COPS4: variants seen among roughly 807,000 people sequenced by gnomAD.
COPS4 encodes the protein COP9 signalosome subunit 4.
COPS4 carries 8 observed loss-of-function variants against 55.1 expected under a neutral mutation model. That is an observed-to-expected ratio of 0.15 (90% confidence interval 0.09 to 0.26). The LOEUF (loss-of-function observed/expected upper bound fraction) is 0.26. Ranked by LOEUF, COPS4 falls within the 10% of genes least tolerant of loss-of-function variation. The pLI, the probability that COPS4 is intolerant of heterozygous loss-of-function variation, is 1.00. For missense variants in COPS4, 248 were observed against 484.0 expected (o/e 0.51, Z 4.58); for synonymous variants, 185 against 165.7 (o/e 1.12, Z -0.90).
intron 6 of COPS4, among the ~76,000 whole-genome samples, chr4:83,061,077 A>G (rs1405567124): frequency 1.3e-5 from 2 of 151,508 alleles, no homozygotes; most frequent in African/African-American, 4.8e-5. Flanking sequence ...TGCTTGGGTC[A>G]TTCATTACAT....
chr4:83,044,353 G>A (rs373090427), intron 1 of COPS4, among the ~76,000 whole-genome samples: 20 of 151,196 alleles, frequency 1.3e-4, no homozygotes, highest in Admixed American at 8.6e-4. Context: ...GCTGAGGCAG[G>A]AGAATTGCTT....
intron 2 of COPS4, among the ~76,000 whole-genome samples, chr4:83,045,959 A>G (rs1466676401): frequency 1.3e-5 from 2 of 152,186 alleles, no homozygotes; most frequent in African/African-American, 4.8e-5. Context: ...TAAAGAGAAT[A>G]GTTTGGATTC....
At chr4:83,063,592 A>G (rs955303158) in intron 7 of COPS4, among the ~76,000 whole-genome samples, 1 of 151,068 alleles carries the variant, frequency 6.6e-6, no homozygotes, top group Admixed American at 6.6e-5. Context: ...TACTTTTAGT[A>G]GAGATGGGGT....
Position 83,049,265 on chromosome 4 carries a change from A to G in COPS4, c.254A>G (p.Tyr85Cys). The G allele has an allele frequency of 3.1e-6, 5 of 1,612,058 alleles. No individual in the cohort carries two copies. Among genetic ancestry groups the G allele is most frequent in the Middle Eastern group, 1.7e-4 (1 of 6,052 alleles). Reference protein sequence around the residue: ...NLPDSTAKEIYHFTLEKIQPR... With the variant: ...NLPDSTAKEICHFTLEKIQPR... ...CCTGATAGCACAGCCAAAGAAATCT[A>G]TCACTTCACCTTGGAAAAGATCCAG... is the stretch of plus-strand genomic sequence containing the variant. The change falls in exon 3 of 10, where the codon TAT (tyrosine) becomes TGT (cysteine). Residue 85 changes from tyrosine to cysteine, a missense_variant. Physicochemically the swap from Tyr to Cys is radical, Grantham distance 194 (BLOSUM62 -2). Coordinates refer to ENST00000264389, the MANE Select transcript of COPS4 (RefSeq NM_016129.3).
At chr4:83,040,517 G>T (rs982061059) in intron 1 of COPS4, among the ~76,000 whole-genome samples, 1 of 152,126 alleles carries the variant, frequency 6.6e-6, no homozygotes, top group Non-Finnish European at 1.5e-5. Flanking sequence ...ATTCCCATTT[G>T]TGCAGCTCTA....
At chr4:83,072,153 C>T (rs539640732) in intron 9 of COPS4, among the ~76,000 whole-genome samples, 6 of 152,144 alleles carry the variant, frequency 3.9e-5, no homozygotes, top group East Asian at 3.9e-4. Flanking sequence ...GGCTCAATCT[C>T]GGTTGACCAC....
chr4:83,046,524 A>T (rs1287103315), intron 2 of COPS4, among the ~76,000 whole-genome samples: 1 of 152,224 alleles, frequency 6.6e-6, no homozygotes, highest in Non-Finnish European at 1.5e-5. Context: ...TAAGGAAGGC[A>T]TGGACTTAAC....
At chr4:83,035,375 C>A (rs1031257635) in intron 1 of COPS4, 77 bp downstream of exon 1, 16 of 1,242,918 alleles carry the variant, frequency 1.3e-5, no homozygotes, top group Admixed American at 2.2e-5. Context: ...AGGTTGGCCA[C>A]GGCTCTTGGG....
intron 1 of COPS4, among the ~76,000 whole-genome samples, chr4:83,043,540 A>C (rs926906438): frequency 2.7e-5 from 4 of 150,440 alleles, no homozygotes; most frequent in Non-Finnish European, 5.9e-5. Flanking sequence ...AAAAAAAAAA[A>C]AAAAAACCAT....
chr4:83,062,836 T>C (rs1016793090), intron 6 of COPS4: 9 of 356,266 alleles, frequency 2.5e-5, no homozygotes, highest in African/African-American at 1.9e-4. Flanking sequence ...GATTAATTCA[T>C]TGACAAAAAT....
chr4:83,066,341 G>A (rs1268100745), intron 7 of COPS4, 97 bp from the exon 8 acceptor site: 1 of 576,142 alleles, frequency 1.7e-6, no homozygotes, highest in Non-Finnish European at 3.1e-6. Flanking sequence ...TAAAGAGGAT[G>A]AGTTATTACG....
In COPS4 at chr4:83,057,365, G is replaced by T; in HGVS notation, c.672G>T (p.Glu224Asp). 1 of 1,613,038 alleles carries T rather than the reference G, an allele frequency of 6.2e-7. No individual in the cohort carries two copies. Among genetic ancestry groups the T allele is most frequent in the Non-Finnish European group, 8.5e-7 (1 of 1,179,668 alleles). The change falls in exon 6 of 10, where the codon GAG becomes GAT. Residue 224 changes from glutamate to aspartate, a missense_variant. Physicochemically the swap from Glu to Asp is conservative, Grantham distance 45 (BLOSUM62 2). Transcript: ENST00000264389. ...KTIVHESERL[E>D]ALKHALHCTI... is the part of the protein sequence containing the mutation. ...TAGTCCACGAAAGTGAAAGACTAGA[G>T]GCCTTAAAACATGCTTTGCACTGTA... is the stretch of plus-strand genomic sequence containing the variant.
intron 8 of COPS4, 81 bp downstream of exon 8, chr4:83,066,634 G>A: frequency 1.6e-5 from 11 of 669,840 alleles, no homozygotes; most frequent in South Asian, 4.0e-5. Flanking sequence ...AATAAATGTT[G>A]GAAACAACAT....
At chr4:83,072,361 A>C (rs1731456492) in intron 9 of COPS4, among the ~76,000 whole-genome samples, 1 of 152,122 alleles carries the variant, frequency 6.6e-6, no homozygotes, top group Non-Finnish European at 1.5e-5. Context: ...CAGCCTCCCA[A>C]AGTGCTGGGA....
At chr4:83,057,116 G>A in intron 5 of COPS4, 37 bp downstream of exon 5, 2 of 1,580,440 alleles carry the variant, frequency 1.3e-6, no homozygotes, top group Non-Finnish European at 1.7e-6. Context: ...CTTTTGTATT[G>A]GAGAATTGTA....
intron 7 of COPS4, chr4:83,065,019 A>G (rs1250147357): frequency 2.2e-5 from 15 of 679,890 alleles, no homozygotes; most frequent in Non-Finnish European, 3.5e-5. Flanking sequence ...AAGCTTAGGC[A>G]TGTGCCACCA....
chr4:83,036,617 C>G (rs934032464), intron 1 of COPS4, among the ~76,000 whole-genome samples: 2 of 152,180 alleles, frequency 1.3e-5, no homozygotes, highest in Non-Finnish European at 2.9e-5. Context: ...ACTTACCACA[C>G]TTATATCACG....
chr4:83,057,215 C>A, intron 5 of COPS4, 43 bp from the exon 6 acceptor site: 1 of 1,552,024 alleles, frequency 6.4e-7, no homozygotes, highest in South Asian at 1.2e-5. Context: ...TTAACTCTTG[C>A]TTTTTAATTT....
At chr4:83,054,116 G>A (rs1200395005) in intron 4 of COPS4, among the ~76,000 whole-genome samples, 1 of 152,140 alleles carries the variant, frequency 6.6e-6, no homozygotes, top group Non-Finnish European at 1.5e-5. Flanking sequence ...GCTGAGGCAG[G>A]CGGATCACAA....
Sources: gnomAD v4.1 joint callset for allele counts (sites outside exome capture counted in the v4.1 genomes callset) on GRCh38, gnomAD v4.1.1 for gene constraint, MANE v1.5 for transcripts, NCBI Gene and HGNC (gene_info 2026-07-23, HGNC 2026-07-21) for gene names.